RTBDN: variants seen among roughly 807,000 people sequenced by gnomAD.
RTBDN encodes retbindin.
Under a neutral mutation model 21.9 loss-of-function variants are expected in RTBDN, and 24 were observed. That is an observed-to-expected ratio of 1.10 (90% CI 0.79 to 1.54). RTBDN has a LOEUF of 1.54. Ranked by LOEUF, RTBDN falls within the 40% of genes most tolerant of loss-of-function variation. The pLI is 0.00. For synonymous variants in RTBDN, 141 were observed against 125.9 expected (o/e 1.12, Z -0.80); for missense variants, 325 against 315.2 (o/e 1.03, Z -0.23).
chr19:12,825,958 C>T (rs764035586), intron 5 of RTBDN, 25 bp from the exon 6 acceptor site: 136 of 1,542,468 alleles, frequency 8.8e-5, no homozygotes, highest in Non-Finnish European at 1.1e-4. Context: ...AGTTAAGGCC[C>T]TAGTGGGCGG....
chr19:12,828,624 A>G, intron 4 of RTBDN, 33 bp downstream of exon 4: 6 of 1,550,294 alleles, frequency 3.9e-6, no homozygotes, highest in Non-Finnish European at 5.3e-6. Context: ...CGCCCAAGTC[A>G]CAACCCACGC....
chr19:12,833,766 C>T (rs1434566548), intron 1 of RTBDN, among the ~76,000 whole-genome samples: 1 of 120,872 alleles, frequency 8.3e-6, no homozygotes, highest in Non-Finnish European at 1.6e-5. Flanking sequence ...GGTGGCTGAG[C>T]CCGGGCTCGG....
chr19:12,833,963 C>T (rs2145869546), intron 1 of RTBDN: 3 of 397,860 alleles, frequency 7.5e-6, no homozygotes, highest in Non-Finnish European at 8.9e-6. Flanking sequence ...GCCGCCGCTG[C>T]CGCCATGGAC....
In RTBDN at chr19:12,834,139, G is replaced by T. The variant is rs937482256; in HGVS notation, c.-19+350C>A. 14 of 401,132 alleles carry T rather than the reference G, an allele frequency of 3.5e-5. No individual in the cohort carries two copies. The highest frequency in any genetic ancestry group is 6.1e-5 in the Non-Finnish European group (14 of 227,794). The allele number at this position is 401,132 out of a possible 1,614,324, so 24.8% of individuals were successfully genotyped here. On this transcript the variant is annotated intron_variant, in intron 1 of 5. Transcript: ENST00000674343. The surrounding 1 kb of genome is among the most constrained non-coding windows in gnomAD (Gnocchi z 4.7). ...CCCATAGGTTCGGGACGCTAACCGC[G>T]GGGAACGCTGTGGCCGCGCGTCCCG...
intron 1 of RTBDN, among the ~76,000 whole-genome samples, chr19:12,831,738 A>T (rs868452294): frequency 2.6e-5 from 4 of 152,148 alleles, no homozygotes; most frequent in Non-Finnish European, 4.4e-5. Flanking sequence ...ACTCAAAATA[A>T]AAGACACAAA....
rs750463474 is a variant in RTBDN, at chr19:12,829,819, TG to T, written c.160del (p.His54ThrfsTer209). ...LAADLGKGKL[H>X]LAGPCCPSEM... ...GGGTCTGGGGTGCTCACCTGCCAGG[TG>T]CAGCTTGCCTTTGCCCAGATCAGCT... On this transcript the variant is annotated frameshift_variant, in exon 2 of 6. Transcript: ENST00000674343. LOFTEE classifies it high-confidence loss of function. 1 of 1,610,204 alleles carries T rather than the reference TG, an allele frequency of 6.2e-7. No homozygotes were observed. The highest frequency in any genetic ancestry group is 8.5e-7 in the Non-Finnish European group (1 of 1,176,830).
rs1969688731 is a variant in RTBDN, at chr19:12,834,469, G to T, written c.-19+20C>A. On this transcript the variant is annotated intron_variant, in intron 1 of 5. Coordinates refer to ENST00000674343, the MANE Select transcript of RTBDN (RefSeq NM_001270441.2). This position sits in a 1 kb window ranked among gnomAD's most constrained non-coding sequence, Gnocchi z 4.7. ...GGAGCCCCCTCCCGAGGCATAGGAC[G>T]CCCTGCGTCCCCCACGCACCTGCCT... 3.3e-6 allele frequency: 5 copies of T among 1,524,744 alleles called. No individual in the cohort carries two copies. In the East Asian group the frequency reaches 9.8e-5, roughly 30 times the overall value. The allele number at this position is 1,524,744 out of a possible 1,614,324, so 94.5% of individuals were successfully genotyped here. A position where few individuals can be genotyped will look rare whatever the true frequency, so the allele number is the denominator to read the frequency against.
chr19:12,826,131 A>C, intron 5 of RTBDN, 198 bp from the exon 6 acceptor site: 1 of 1,387,312 alleles, frequency 7.2e-7, no homozygotes, highest in Non-Finnish European at 9.3e-7. Context: ...CCCTAGCGGG[A>C]TGAATCAGGG....
chr19:12,828,006 T>A (rs1381852017), intron 4 of RTBDN, among the ~76,000 whole-genome samples: 1 of 149,482 alleles, frequency 6.7e-6, no homozygotes, highest in African/African-American at 2.5e-5. Flanking sequence ...GGCGGGAGAA[T>A]CACTTGAACC....
chr19:12,834,421 C>T lies in RTBDN; in HGVS notation c.-19+68G>A. ...TGGAGGCGTAAACATGTTTGTGCGGCAACCTCGCCCCTCACCACCCCAGGA... is the reference window on the plus strand; with the variant it reads ...TGGAGGCGTAAACATGTTTGTGCGGTAACCTCGCCCCTCACCACCCCAGGA... On this transcript the variant is annotated intron_variant, in intron 1 of 5. Transcript: ENST00000674343. The surrounding 1 kb of genome is among the most constrained non-coding windows in gnomAD (Gnocchi z 4.7). The T allele has an allele frequency of 8.0e-7, 1 of 1,249,428 alleles. No individual in the cohort carries two copies. The highest frequency in any genetic ancestry group is 2.5e-5 in the East Asian group (1 of 39,638). The allele number at this position is 1,249,428 out of a possible 1,614,324, so 77.4% of individuals were successfully genotyped here.
In RTBDN at chr19:12,834,311, T is replaced by C. The variant is rs765030969; in HGVS notation, c.-19+178A>G. ...GGGGCTGGGGCCGAAGTCATCGCCC[T>C]GGCGCCTCGCCAGGCTAGGGGTGAG... On this transcript the variant is annotated intron_variant, in intron 1 of 5. Coordinates refer to ENST00000674343, the MANE Select transcript of RTBDN (RefSeq NM_001270441.2). The surrounding 1 kb of genome is among the most constrained non-coding windows in gnomAD (Gnocchi z 4.7). Among the ~76,000 whole-genome samples, 85 of 152,176 alleles carry C rather than the reference T, an allele frequency of 5.6e-4. 1 individual carries two copies. The highest frequency in any genetic ancestry group is 7.5e-4 in the Non-Finnish European group (51 of 67,990).
At chr19:12,829,762 G>A (rs1217092087) in intron 2 of RTBDN, 49 bp downstream of exon 2, 3 of 1,562,048 alleles carry the variant, frequency 1.9e-6, no homozygotes, top group African/African-American at 1.4e-5. Context: ...TGGCAGGGTA[G>A]GTGTGGGTTT....
chr19:12,831,959 G>T (rs1469367481), intron 1 of RTBDN, among the ~76,000 whole-genome samples: 2 of 152,186 alleles, frequency 1.3e-5, no homozygotes, highest in African/African-American at 4.8e-5. Context: ...TGTTGTTTGT[G>T]TGTGTTTGCA....
chr19:12,834,007 G>A lies in RTBDN; in HGVS notation c.-19+482C>T. On this transcript the variant is annotated intron_variant, in intron 1 of 5. Coordinates refer to ENST00000674343, the MANE Select transcript of RTBDN (RefSeq NM_001270441.2). The surrounding 1 kb of genome is among the most constrained non-coding windows in gnomAD (Gnocchi z 4.7). ...CCTCATCCGCCGCCGGAGGCTGCAG[G>A]TACGCGGCTGCCTGGGCCCCGGGTG... is the stretch of plus-strand genomic sequence containing the variant. 2.5e-6 allele frequency: 1 copy of A among 398,588 alleles called. No individual in the cohort carries two copies. Among genetic ancestry groups the A allele is most frequent in the Non-Finnish European group, 4.4e-6 (1 of 225,868 alleles). 24.7% of individuals were successfully genotyped at this position (398,588 alleles called of 1,614,324 possible). A position where few individuals can be genotyped will look rare whatever the true frequency, so the allele number is the denominator to read the frequency against.
Position 12,830,222 on chromosome 19 carries a change from T to C in RTBDN, c.-18-225A>G. 7.7e-7 allele frequency: 1 copy of C among 1,304,620 alleles called. No individual in the cohort carries two copies. Among genetic ancestry groups the C allele is most frequent in the Non-Finnish European group, 9.8e-7 (1 of 1,021,706 alleles). 80.8% of individuals were successfully genotyped at this position (1,304,620 alleles called of 1,614,324 possible). ...AACCATGTCCTCTATGTCCCTTCAGTGCCACCCCAACCAAGCTTAGACCAC... is the reference window on the plus strand; with the variant it reads ...AACCATGTCCTCTATGTCCCTTCAGCGCCACCCCAACCAAGCTTAGACCAC... On this transcript the variant is annotated intron_variant, in intron 1 of 5. Coordinates refer to ENST00000674343, the MANE Select transcript of RTBDN (RefSeq NM_001270441.2). The surrounding 1 kb of genome is among the most constrained non-coding windows in gnomAD (Gnocchi z 4.2).
intron 4 of RTBDN, 68 bp from the exon 5 acceptor site, chr19:12,826,939 C>A: frequency 8.7e-7 from 1 of 1,146,236 alleles, no homozygotes. Context: ...TCTGGCTCTT[C>A]TAGACTGTGT....
At position 12,830,838 on chromosome 19, in the gene RTBDN, AGTGTGTGT is replaced by A. The variant is rs5827165; in HGVS notation, c.-18-849_-18-842del. ...AAGCTCTGTATCTATATATGTGGGG[AGTGTGTGT>A]GTGTGTGTGTGTGTGTATGTGTGTG... On this transcript the variant is annotated intron_variant, in intron 1 of 5. Coordinates refer to ENST00000674343, the MANE Select transcript of RTBDN (RefSeq NM_001270441.2). This position sits in a 1 kb window ranked among gnomAD's most constrained non-coding sequence, Gnocchi z 4.2. Among the ~76,000 whole-genome samples, 30 of 146,908 alleles carry A rather than the reference AGTGTGTGT, an allele frequency of 2.0e-4. 1 individual carries two copies. Among genetic ancestry groups the A allele is most frequent in the South Asian group, 4.3e-4 (2 of 4,680 alleles).
chr19:12,834,691 A>G (rs1969696655), upstream of RTBDN: 1 of 1,553,638 alleles, frequency 6.4e-7, no homozygotes, highest in African/African-American at 1.4e-5. This position sits in a 1 kb window ranked among gnomAD's most constrained non-coding sequence, Gnocchi z 4.7. Flanking sequence ...GCGCAGGCGC[A>G]GGAGCCGTGC....
rs143493255 is a variant in RTBDN, at chr19:12,828,696, C to A, written c.326G>T (p.Arg109Leu). ...CTCCTCGCAGAGCGGCTGTGCCTGG[C>A]GTACCCCCAATAGCCGCAGGCGGAA... ...SRFRLRLLGVRQAQPLCEELC... is the reference protein window; with the variant it reads ...SRFRLRLLGVLQAQPLCEELC... The change falls in exon 4 of 6, where the codon CGC becomes CTC. Residue 109 changes from arginine (R) to leucine (L), a missense_variant. By Grantham distance (102) the Arg-to-Leu change is moderately radical. Coordinates refer to ENST00000674343, the MANE Select transcript of RTBDN (RefSeq NM_001270441.2). The A allele has an allele frequency of 2.5e-6, 4 of 1,614,170 alleles. No homozygotes were observed. The highest frequency in any genetic ancestry group is 1.1e-5 in the South Asian group (1 of 91,084).
Sources: gnomAD v4.1 joint callset for allele counts (sites outside exome capture counted in the v4.1 genomes callset) on GRCh38, gnomAD v4.1.1 for gene constraint, Gnocchi (gnomAD v3.1) non-coding constraint, MANE v1.5 for transcripts, NCBI Gene and HGNC (gene_info 2026-07-23, HGNC 2026-07-21) for gene names.